Variants in SOX5 observed in about 807,000 individuals in gnomAD.
SOX5 encodes transcription factor SOX-5.
A neutral mutation model predicts 92.0 loss-of-function variants in SOX5; 9 were observed. The ratio of observed to expected loss-of-function variants is 0.10; its 90% CI spans 0.06 to 0.17. The LOEUF (loss-of-function observed/expected upper bound fraction) is 0.17, where lower values mean the gene tolerates loss of function less well. SOX5 is among the 10% of genes least tolerant of loss of function. SOX5 has a pLI of 1.00. For missense variants in SOX5, 642 were observed against 944.5 expected, an observed-to-expected ratio of 0.68 and a Z score of 4.20; for synonymous variants, 344 against 336.3, an observed-to-expected ratio of 1.02 and a Z score of -0.25.
chr12:24,334,676 G>A (rs566434896), intron 2 of SOX5, among the ~76,000 whole-genome samples: 2 of 152,176 alleles, frequency 1.3e-5, no homozygotes, highest in East Asian at 3.9e-4. Context: ...AAGCAAAGAA[G>A]TAAACAAAGT....
At chr12:23,967,777 T>G (rs10771047) in intron 4 of SOX5, among the ~76,000 whole-genome samples, 4 of 152,148 alleles carry the variant, frequency 2.6e-5, no homozygotes, top group African/African-American at 7.2e-5. Context: ...GGATAAACAG[T>G]CCTTAGTTTT....
intron 3 of SOX5, among the ~76,000 whole-genome samples, chr12:24,249,155 C>T (rs892031992): frequency 3.9e-5 from 6 of 152,170 alleles, no homozygotes; most frequent in Non-Finnish European, 8.8e-5. Context: ...GCTGTGTAAA[C>T]GATCAGTGTT....
intron 1 of SOX5, among the ~76,000 whole-genome samples, chr12:24,402,676 A>C (rs964526995): frequency 6.6e-6 from 1 of 152,164 alleles, no homozygotes; most frequent in Non-Finnish European, 1.5e-5. Context: ...ATTAATGGAA[A>C]CATAACAGAG....
intron 7 of SOX5, among the ~76,000 whole-genome samples, chr12:23,648,016 C>G (rs2081090415): frequency 6.6e-6 from 1 of 152,140 alleles, no homozygotes. Flanking sequence ...TTTGACACAC[C>G]TTCTTCATCA....
chr12:24,138,318 C>A (rs191126824), intron 4 of SOX5, among the ~76,000 whole-genome samples: 205 of 152,312 alleles, frequency 1.3e-3, no homozygotes, highest in African/African-American at 4.6e-3. Context: ...TGTTCATCTG[C>A]GAATATTCTC....
At chr12:24,432,870 G>C (rs913669862) in intron 1 of SOX5, among the ~76,000 whole-genome samples, 3 of 151,930 alleles carry the variant, frequency 2.0e-5, no homozygotes, top group Non-Finnish European at 2.9e-5. Context: ...CACACACACA[G>C]AGTATGATCC....
chr12:24,197,526 GACAA>G (rs1957120832), intron 4 of SOX5, among the ~76,000 whole-genome samples: 1 of 152,158 alleles, frequency 6.6e-6, no homozygotes, highest in Non-Finnish European at 1.5e-5. Context: ...GCTCCTGCTT[GACAA>G]ACAGCACCCT....
intron 4 of SOX5, among the ~76,000 whole-genome samples, chr12:24,036,198 T>G (rs1956019894): frequency 6.6e-6 from 1 of 152,130 alleles, no homozygotes; most frequent in Non-Finnish European, 1.5e-5. Flanking sequence ...TCAGTACTAA[T>G]TTTTTCTTTA....
At chr12:24,085,851 A>G (rs1943923427) in intron 4 of SOX5, among the ~76,000 whole-genome samples, 1 of 151,760 alleles carries the variant, frequency 6.6e-6, no homozygotes, top group South Asian at 2.1e-4. Context: ...TCCCTCTGAC[A>G]CCCTCCTCAA....
chr12:24,286,122 A>G (rs1945834318), intron 2 of SOX5, among the ~76,000 whole-genome samples: 1 of 152,234 alleles, frequency 6.6e-6, no homozygotes, highest in African/African-American at 2.4e-5. Flanking sequence ...TTTAAGGATA[A>G]TTCACAAGAC....
rs965037593 is a variant in SOX5 at position 24,395,934 on chromosome 12, T to C, written c.-250-27295A>G. On this transcript the variant is annotated intron_variant, in intron 1 of 4. Transcript: ENST00000446891. ...TCTGGCCTGCCCTCACAGAATGGAA[T>C]GCCCTCTTTATCTCTAAGAAGTGCA... Among the ~76,000 whole-genome samples, 5 of 152,204 alleles carry C rather than the reference T, an allele frequency of 3.3e-5. No homozygotes were observed. In the East Asian group the frequency reaches 7.7e-4, roughly 23 times the overall value.
Position 23,563,258 on chromosome 12 carries a change from C to G in SOX5, c.1488G>C (p.Lys496Asn), listed in dbSNP as rs1946526394. ...SLGLNNCRTEKEKTTLESLTQ... is the reference protein window; with the variant it reads ...SLGLNNCRTENEKTTLESLTQ... ...AAAGTAAGTTATTTTATGAACTGAC[C>G]TTTTCTGTTCGGCAGTTATTGAGAC... The change falls in exon 11 of 15, where the codon AAG becomes AAC. Residue 496 changes from lysine (K) to asparagine (N), a missense_variant and splice_region_variant. Transcript: ENST00000451604. The G allele has an allele frequency of 1.9e-6, 3 of 1,605,326 alleles. No homozygotes were observed. The highest frequency in any genetic ancestry group is 2.6e-6 in the Non-Finnish European group (3 of 1,176,178).
chr12:24,437,390 C>T (rs983131780), intron 1 of SOX5, among the ~76,000 whole-genome samples: 1 of 152,130 alleles, frequency 6.6e-6, no homozygotes, highest in African/African-American at 2.4e-5. Context: ...CTAGGCAATA[C>T]CATTCAGGAC....
At chr12:23,604,284 C>A in intron 9 of SOX5, 103 bp downstream of exon 9, 1 of 1,266,746 alleles carries the variant, frequency 7.9e-7, no homozygotes. Context: ...CCTTGTACAC[C>A]CAGAGTTTAA....
chr12:23,901,695 C>G (rs1023529506), intron 1 of SOX5, among the ~76,000 whole-genome samples: 4 of 152,216 alleles, frequency 2.6e-5, no homozygotes, highest in African/African-American at 9.6e-5. Context: ...TCAATCTCTC[C>G]CACTATGAGA....
chr12:24,161,898 C>T (rs1952799597), intron 4 of SOX5, among the ~76,000 whole-genome samples: 1 of 151,946 alleles, frequency 6.6e-6, no homozygotes, highest in Non-Finnish European at 1.5e-5. Context: ...AAGAAGTCTT[C>T]TCAAAAAAGT....
chr12:23,777,311 C>T (rs2095134795), intron 3 of SOX5, among the ~76,000 whole-genome samples: 2 of 152,128 alleles, frequency 1.3e-5, no homozygotes, highest in Admixed American at 6.5e-5. Flanking sequence ...GTATGCTATA[C>T]ATCAAAGGAG....
At chr12:24,352,512 GGTGAGAGCCATGCT>G (rs1954212610) in intron 2 of SOX5, among the ~76,000 whole-genome samples, 1 of 152,176 alleles carries the variant, frequency 6.6e-6, no homozygotes, top group Non-Finnish European at 1.5e-5. Flanking sequence ...GGCGGCTAGA[GGTGAGAGCCATGCT>G]GTAAAAATCG....
intron 4 of SOX5, among the ~76,000 whole-genome samples, chr12:24,051,364 CACATAA>C (rs1957552575): frequency 6.6e-6 from 1 of 152,032 alleles, no homozygotes; most frequent in Non-Finnish European, 1.5e-5. Flanking sequence ...CTAGTACACA[CACATAA>C]ACATAAGCAC....
Sources: allele counts gnomAD v4.1 joint callset (sites outside exome capture counted in the v4.1 genomes callset), GRCh38; gene constraint gnomAD v4.1.1; transcripts MANE v1.5; gene names NCBI Gene and HGNC (gene_info 2026-07-23, HGNC 2026-07-21).